JAZF1: variants seen among roughly 807,000 people sequenced by gnomAD.
The protein encoded by JAZF1 is juxtaposed with another zinc finger protein 1.
JAZF1 carries 8 observed loss-of-function variants against 26.4 expected under a neutral mutation model. That is an observed-to-expected ratio of 0.30 (90% CI 0.18 to 0.55). The LOEUF (loss-of-function observed/expected upper bound fraction) is 0.55, where lower values mean the gene tolerates loss of function less well. JAZF1 is among the 20% of genes least tolerant of loss of function. JAZF1 has a pLI of 0.94. For missense variants in JAZF1, 199 were observed against 322.0 expected (o/e 0.62, Z 2.92); for synonymous variants, 126 against 122.3 (o/e 1.03, Z -0.20).
intron 2 of JAZF1, among the ~76,000 whole-genome samples, chr7:27,941,649 CAG>C (rs998545285): frequency 2.0e-5 from 3 of 152,206 alleles, no homozygotes; most frequent in Admixed American, 2.0e-4. Flanking sequence ...ATATGTAAAT[CAG>C]AGTGCTTCTG....
At chr7:28,092,671 C>T (rs1442544068) in intron 1 of JAZF1, among the ~76,000 whole-genome samples, 2 of 151,474 alleles carry the variant, frequency 1.3e-5, no homozygotes, top group Non-Finnish European at 2.9e-5. Context: ...AGTGAAATCC[C>T]ATCTCTACAA....
chr7:28,016,998 C>G (rs1255716560), intron 1 of JAZF1, among the ~76,000 whole-genome samples: 1 of 152,074 alleles, frequency 6.6e-6, no homozygotes, highest in African/African-American at 2.4e-5. Context: ...AGAAACAGAA[C>G]AGGGGAAGGG....
At chr7:27,905,650 T>C (rs149778705) in intron 2 of JAZF1, among the ~76,000 whole-genome samples, 59 of 152,110 alleles carry the variant, frequency 3.9e-4, no homozygotes, top group African/African-American at 1.3e-3. Flanking sequence ...GGATATTCCA[T>C]ACCTTTTTTA....
intron 1 of JAZF1, among the ~76,000 whole-genome samples, chr7:27,996,642 C>A (rs1562553501): frequency 6.6e-6 from 1 of 152,202 alleles, no homozygotes; most frequent in Non-Finnish European, 1.5e-5. Flanking sequence ...TTCAGCACAG[C>A]CTTCCACAAC....
intron 1 of JAZF1, among the ~76,000 whole-genome samples, chr7:28,038,725 G>A (rs1370312625): frequency 1.3e-5 from 2 of 152,150 alleles, no homozygotes; most frequent in Admixed American, 1.3e-4. Context: ...CAGAATTCCA[G>A]ATGAGCTGAA....
intron 2 of JAZF1, among the ~76,000 whole-genome samples, chr7:27,902,268 T>C (rs1423340383): frequency 6.6e-6 from 1 of 152,216 alleles, no homozygotes; most frequent in Non-Finnish European, 1.5e-5. Context: ...TAATGAAACA[T>C]TTCTGGACTC....
intron 2 of JAZF1, among the ~76,000 whole-genome samples, chr7:27,897,648 C>T (rs12666447): frequency 0.18 from 27,719 of 152,176 alleles, 3,271 homozygotes; most frequent in East Asian, 0.46. Flanking sequence ...ATTTGGACTT[C>T]CCGAGCGTGG....
intron 1 of JAZF1, among the ~76,000 whole-genome samples, chr7:28,101,174 T>A (rs1784465246): frequency 1.3e-5 from 2 of 152,304 alleles, no homozygotes; most frequent in South Asian, 4.2e-4. Context: ...CCTTTTTTTA[T>A]CCTCATCGTG....
intron 1 of JAZF1, chr7:28,020,693 G>T: frequency 2.1e-6 from 1 of 471,236 alleles, no homozygotes; most frequent in South Asian, 1.5e-5. Flanking sequence ...AGGAACTGCT[G>T]ATGAATGTGA....
At chr7:27,911,519 A>C (rs1784360070) in intron 2 of JAZF1, among the ~76,000 whole-genome samples, 1 of 152,206 alleles carries the variant, frequency 6.6e-6, no homozygotes, top group African/African-American at 2.4e-5. Context: ...TGAACACCTG[A>C]AATGTGGCTA....
intron 1 of JAZF1, among the ~76,000 whole-genome samples, chr7:28,060,611 A>AT (rs1783782602): frequency 6.6e-6 from 1 of 152,138 alleles, no homozygotes; most frequent in Non-Finnish European, 1.5e-5. Context: ...GAGGAGATTT[A>AT]TTTTTTGCTC....
rs1255936177 is a variant in JAZF1 at position 28,152,079 on chromosome 7, C to T, written c.115+28384G>A. The stretch of plus-strand genomic sequence containing the variant: ...TCCTCACATGATGATGTGAGAGTTT[C>T]GATTTGACTTAATTATGTCACTATG... On this transcript the variant is annotated intron_variant, in intron 1 of 4. Coordinates refer to ENST00000283928, the MANE Select transcript of JAZF1 (RefSeq NM_175061.4). Among the ~76,000 whole-genome samples the T allele has an allele frequency of 2.6e-5, 4 of 152,166 alleles. No individual in the cohort carries two copies. In the South Asian group the frequency reaches 8.3e-4, roughly 32 times the overall value.
At chr7:27,863,629 C>T (rs968432324) in intron 3 of JAZF1, among the ~76,000 whole-genome samples, 1 of 152,182 alleles carries the variant, frequency 6.6e-6, no homozygotes, top group Non-Finnish European at 1.5e-5. Flanking sequence ...AAACTGAATT[C>T]CTGGTATCCT....
intron 2 of JAZF1, chr7:27,913,449 G>A (rs76302581): frequency 6.5e-4 from 273 of 418,442 alleles, no homozygotes; most frequent in African/African-American, 5.0e-3. Flanking sequence ...TCTCATCTCC[G>A]CTGTCTGTGG....
At chr7:27,928,986 G>A (rs1189711097) in intron 2 of JAZF1, among the ~76,000 whole-genome samples, 1 of 152,186 alleles carries the variant, frequency 6.6e-6, no homozygotes, top group Non-Finnish European at 1.5e-5. Flanking sequence ...TTGGTGACAG[G>A]AAGGGCATGG....
chr7:27,857,063 A>T (rs1406114858), intron 3 of JAZF1, among the ~76,000 whole-genome samples: 2 of 152,220 alleles, frequency 1.3e-5, no homozygotes, highest in Admixed American at 6.5e-5. Context: ...TGCACTCCTC[A>T]GCCCTTGGGT....
chr7:27,847,700 C>T (rs1307703857), intron 3 of JAZF1, among the ~76,000 whole-genome samples: 1 of 152,078 alleles, frequency 6.6e-6, no homozygotes, highest in Non-Finnish European at 1.5e-5. Flanking sequence ...TGGAGTCTTG[C>T]ACTGTCGCCC....
chr7:28,161,382 C>A (rs1237868531), intron 1 of JAZF1, among the ~76,000 whole-genome samples: 1 of 151,942 alleles, frequency 6.6e-6, no homozygotes, highest in Admixed American at 6.6e-5. Context: ...GTGATTAAGC[C>A]CAAAGCACAC....
chr7:28,046,699 A>C (rs901598836), intron 1 of JAZF1, among the ~76,000 whole-genome samples: 1 of 152,306 alleles, frequency 6.6e-6, no homozygotes, highest in African/African-American at 2.4e-5. Context: ...TGATACATGA[A>C]AACTGATTTC....
Sources: gnomAD v4.1 joint callset for allele counts (sites outside exome capture counted in the v4.1 genomes callset) on GRCh38, gnomAD v4.1.1 for gene constraint, MANE v1.5 for transcripts, NCBI Gene and HGNC (gene_info 2026-07-23, HGNC 2026-07-21) for gene names.